ADGRE5: variants seen among roughly 807,000 people sequenced by gnomAD.
The protein encoded by ADGRE5 is adhesion G protein-coupled receptor E5.
ADGRE5 carries 72 observed loss-of-function variants against 100.3 expected under a neutral mutation model. The ratio of observed to expected loss-of-function variants is 0.72; its 90% CI spans 0.59 to 0.87. The LOEUF (loss-of-function observed/expected upper bound fraction) is 0.87, where lower values mean the gene tolerates loss of function less well. Among genes scored for constraint, ADGRE5 ranks in the 40% least tolerant of loss-of-function variants. The pLI is 0.00. For synonymous variants in ADGRE5, 439 were observed against 447.8 expected (o/e 0.98, Z 0.25); for missense variants, 959 against 1,094.7 (o/e 0.88, Z 1.75).
rs1390730311 is a variant in ADGRE5 at position 14,407,065 on chromosome 19, C to G, written c.2212C>G (p.Leu738Val). ...CTGCAACCCCGCTCCTCGCAGGGCG[C>G]TGACCATCACGGCCATCGCGCAGCT... Reference protein sequence around the residue: ...DMKKLKKARALTITAIAQLFL... With the variant: ...DMKKLKKARAVTITAIAQLFL... Residue 738 changes from leucine to valine, a missense_variant, in exon 18 of 20, where the codon CTG becomes GTG. Around this residue, in one of 6 missense-constraint regions of ADGRE5, gnomAD observed 428 missense variants for 386.2 expected, o/e 1.11. Transcript: ENST00000242786. The G allele has an allele frequency of 4.3e-6, 7 of 1,614,138 alleles. No individual in the cohort carries two copies. The highest frequency in any genetic ancestry group is 5.9e-6 in the Non-Finnish European group (7 of 1,180,054).
Position 14,396,364 on chromosome 19 carries a change from C to A in ADGRE5, c.369C>A (p.Asn123Lys). Reference protein sequence around the residue: ...TCQDVDECQQNPRLCKSYGTC... With the variant: ...TCQDVDECQQKPRLCKSYGTC... ...CAGATGTGGACGAATGTCAGCAGAA[C>A]CCAAGGCTCTGTAAAAGCTACGGCA... Residue 123 changes from asparagine (N) to lysine (K), a missense_variant, in exon 5 of 20, where the codon AAC becomes AAA. Transcript: ENST00000242786. 6.2e-7 allele frequency: 1 copy of A among 1,614,272 alleles called. No individual in the cohort carries two copies. Among genetic ancestry groups the A allele is most frequent in the East Asian group, 2.2e-5 (1 of 44,890 alleles).
Position 14,408,704 on chromosome 19 carries a change from T to C in ADGRE5, c.*583T>C, listed in dbSNP as rs912855180. 5.2e-6 allele frequency: 3 copies of C among 576,326 alleles called. No individual in the cohort carries two copies. In the African/African-American group the frequency reaches 5.6e-5, roughly 11 times the overall value. The allele number at this position is 576,326 out of a possible 1,614,324, so 35.7% of individuals were successfully genotyped here. On this transcript the variant is annotated 3_prime_UTR_variant, in exon 20 of 20. Coordinates refer to ENST00000242786, the MANE Select transcript of ADGRE5 (RefSeq NM_078481.4). Reference sequence around the variant, plus strand: ...AATTTTTCAGTGTTGACACTTAAAATTAAACACATGCATACAGAAGATGGC... The same window carrying C: ...AATTTTTCAGTGTTGACACTTAAAACTAAACACATGCATACAGAAGATGGC...
At chr19:14,399,421 G>C (rs953043468) in intron 9 of ADGRE5, among the ~76,000 whole-genome samples, 8 of 151,398 alleles carry the variant, frequency 5.3e-5, no homozygotes, top group Non-Finnish European at 8.8e-5. Flanking sequence ...AAAATTAGCC[G>C]GGCGTAGTGG....
chr19:14,386,017 C>T (rs1284557747), intron 1 of ADGRE5, among the ~76,000 whole-genome samples: 4 of 151,672 alleles, frequency 2.6e-5, no homozygotes, highest in East Asian at 2.0e-4. Flanking sequence ...GTGATCCACC[C>T]GCCTCGGCCT....
intron 3 of ADGRE5, among the ~76,000 whole-genome samples, chr19:14,389,238 A>G (rs1412009074): frequency 1.6e-4 from 1 of 6,402 alleles, no homozygotes; most frequent in Non-Finnish European, 2.8e-4. Context: ...GAAGGGGGAA[A>G]GGGAGGGGGA....
In ADGRE5 at chr19:14,408,465, T is replaced by C. The variant is rs1976381812; in HGVS notation, c.*344T>C. The C allele has an allele frequency of 3.8e-6, 2 of 527,926 alleles. No individual in the cohort carries two copies. The highest frequency in any genetic ancestry group is 6.8e-6 in the Non-Finnish European group (2 of 292,498). 32.7% of individuals were successfully genotyped at this position (527,926 alleles called of 1,614,324 possible). A position where few individuals can be genotyped will look rare whatever the true frequency, so the allele number is the denominator to read the frequency against. ...AGGGCGCTTGTCCCATCCTGGACTT[T>C]TCCTCTCATGTCTTTGCTGCAGAAC... is the stretch of plus-strand genomic sequence containing the variant. On this transcript the variant is annotated 3_prime_UTR_variant, in exon 20 of 20. Transcript: ENST00000242786.
chr19:14,404,927 T>C (rs1976164325), intron 13 of ADGRE5: 1 of 245,412 alleles, frequency 4.1e-6, no homozygotes, highest in African/African-American at 2.4e-5. Context: ...TGGCACAATC[T>C]CAGCTAGTGA....
Position 14,393,366 on chromosome 19 carries a change from G to T in ADGRE5, c.346+2287G>T, listed in dbSNP as rs542085337. On this transcript the variant is annotated intron_variant, in intron 4 of 19. Transcript: ENST00000242786. ...CTGCAAGGCTCTACCCCTGCGCAGAGGCCACAGCCTTTGCTATGGTCTTGC... is the reference window on the plus strand; with the variant it reads ...CTGCAAGGCTCTACCCCTGCGCAGATGCCACAGCCTTTGCTATGGTCTTGC... 1.6e-4 allele frequency among the ~76,000 whole-genome samples: 24 copies of T among 152,368 alleles called. No homozygotes were observed. The South Asian group carries it at 4.6e-3, about 29-fold the overall frequency.
At position 14,406,911 on chromosome 19, in the gene ADGRE5, C is replaced by T; in HGVS notation, c.2158C>T (p.Gln720Ter). 6.2e-7 allele frequency: 1 copy of T among 1,614,162 alleles called. No individual in the cohort carries two copies. The highest frequency in any genetic ancestry group is 8.5e-7 in the Non-Finnish European group (1 of 1,180,022). ...IFVTTVWKLT[Q>*]KFSEINPDMK... is the part of the protein sequence containing the mutation. Reference sequence around the variant, plus strand: ...CGTGACTACCGTCTGGAAGCTCACTCAGAAGTTTTCTGAAATCAATCCAGA... The same window carrying T: ...CGTGACTACCGTCTGGAAGCTCACTTAGAAGTTTTCTGAAATCAATCCAGA... The change falls in exon 17 of 20, where the codon CAG (glutamine) becomes TAG (stop). Residue 720 changes from glutamine (Q) to a stop codon, truncating the protein, a stop_gained. Transcript: ENST00000242786. LOFTEE classifies it high-confidence loss of function. The surrounding 1 kb of genome is among the most constrained non-coding windows in gnomAD (Gnocchi z 6.0).
In ADGRE5 at chr19:14,401,331, C is replaced by T; in HGVS notation, c.898-55C>T. On this transcript the variant is annotated intron_variant, in intron 9 of 19. Transcript: ENST00000242786. The surrounding 1 kb of genome is among the most constrained non-coding windows in gnomAD (Gnocchi z 4.1). ...GGTAGGGGGTGACATCCAGGTCCTT[C>T]AGGCAACCCCTGTGGTCTGATGCTC... 1 of 1,534,850 alleles carries T rather than the reference C, an allele frequency of 6.5e-7. No individual in the cohort carries two copies. The highest frequency in any genetic ancestry group is 8.9e-7 in the Non-Finnish European group (1 of 1,126,720).
rs377266346 is a variant in ADGRE5 at position 14,407,948 on chromosome 19, G to C, written c.2417G>C (p.Gly806Ala). 6.5e-5 allele frequency: 105 copies of C among 1,614,002 alleles called. No homozygotes were observed. Among genetic ancestry groups the C allele is most frequent in the East Asian group, 3.1e-4 (14 of 44,896 alleles). The change falls in exon 19 of 20, where the codon GGG becomes GCG. Residue 806 changes from glycine to alanine, a missense_variant. Gly to Ala is a moderately conservative substitution (Grantham distance 60). This residue lies in a region of ADGRE5 where 428 missense variants were observed against 386.2 expected (regional missense o/e 1.11). Coordinates refer to ENST00000242786, the MANE Select transcript of ADGRE5 (RefSeq NM_078481.4). ...CGGAAGTGGGCCTGCCTAGTTGCTG[G>C]GGGGAGCAAGTACTCAGAATTCACC... The part of the protein sequence containing the change: ...EYRKWACLVA[G>A]GSKYSEFTST...
At chr19:14,394,348 G>T (rs578107933) in intron 4 of ADGRE5, among the ~76,000 whole-genome samples, 1 of 151,996 alleles carries the variant, frequency 6.6e-6, no homozygotes, top group Non-Finnish European at 1.5e-5. Context: ...CTGAGGACAC[G>T]TGCACCCAGT....
rs75181453 is a variant in ADGRE5 at position 14,405,531 on chromosome 19, G to C, written c.1630-217G>C. 6.1e-3 allele frequency: 3,135 copies of C among 512,054 alleles called. 81 individuals carry two copies. Among genetic ancestry groups the C allele is most frequent in the African/African-American group, 0.054 (2,735 of 50,836 alleles). 31.7% of individuals were successfully genotyped at this position (512,054 alleles called of 1,614,324 possible). A position where few individuals can be genotyped will look rare whatever the true frequency, so the allele number is the denominator to read the frequency against. On this transcript the variant is annotated intron_variant, in intron 13 of 19. Transcript: ENST00000242786. ...AACTGCAATTAACCAGGCAGAGAAG[G>C]GGGGCGCCTGTGGTCCAGGCCAAAG...
chr19:14,381,501 C>T lies in ADGRE5; in HGVS notation c.-23C>T, dbSNP rs371403378. On this transcript the variant is annotated 5_prime_UTR_variant, in exon 1 of 20. Coordinates refer to ENST00000242786, the MANE Select transcript of ADGRE5 (RefSeq NM_078481.4). ...CTGTCCCACTCACTCTTTCCCCTGCCGCTCCTGCCGGCAGCTCCAACCATG... is the reference window on the plus strand; with the variant it reads ...CTGTCCCACTCACTCTTTCCCCTGCTGCTCCTGCCGGCAGCTCCAACCATG... The T allele has an allele frequency of 1.1e-4, 184 of 1,610,294 alleles. No individual in the cohort carries two copies. The highest frequency in any genetic ancestry group is 6.2e-4 in the African/African-American group (46 of 74,388).
chr19:14,400,749 G>A (rs542436506), intron 9 of ADGRE5, among the ~76,000 whole-genome samples: 12 of 152,068 alleles, frequency 7.9e-5, no homozygotes, highest in Non-Finnish European at 1.6e-4. Context: ...CCAAGATCGC[G>A]CCACTGCACT....
chr19:14,391,865 AG>A (rs1975611881), intron 4 of ADGRE5, among the ~76,000 whole-genome samples: 4 of 152,140 alleles, frequency 2.6e-5, no homozygotes, highest in African/African-American at 7.2e-5. Flanking sequence ...TGGGAGGCCG[AG>A]GTGGGTGGAT....
chr19:14,393,659 C>T lies in ADGRE5; in HGVS notation c.346+2580C>T, dbSNP rs1043571858. ...CCGGCAGCCCAGATCCCAGCCCCAC[C>T]CCTCCTGCCCTGCATTCAGGCAGAG... On this transcript the variant is annotated intron_variant, in intron 4 of 19. Transcript: ENST00000242786. 2.6e-5 allele frequency among the ~76,000 whole-genome samples: 4 copies of T among 152,168 alleles called. No homozygotes were observed. The South Asian group carries it at 8.3e-4, about 31-fold the overall frequency.
In ADGRE5 at chr19:14,405,920, T is replaced by G. The variant is rs775414000; in HGVS notation, c.1802T>G (p.Ile601Ser). The G allele has an allele frequency of 2.5e-6, 4 of 1,608,978 alleles. No homozygotes were observed. The highest frequency in any genetic ancestry group is 3.4e-6 in the Non-Finnish European group (4 of 1,179,810). The change falls in exon 14 of 20, where the codon ATC becomes AGC. Residue 601 changes from isoleucine to serine, a missense_variant. Around this residue, in one of 6 missense-constraint regions of ADGRE5, gnomAD observed 428 missense variants for 386.2 expected, o/e 1.11. Coordinates refer to ENST00000242786, the MANE Select transcript of ADGRE5 (RefSeq NM_078481.4). ...GGCTCCACCATCTTCCTGGCCGGCATCGAGAACGAAGGCGGCCAGGTGAGG... is the reference window on the plus strand; with the variant it reads ...GGCTCCACCATCTTCCTGGCCGGCAGCGAGAACGAAGGCGGCCAGGTGAGG... ...FVGSTIFLAG[I>S]ENEGGQVGLR...
chr19:14,400,431 G>T (rs1165432716), intron 9 of ADGRE5, among the ~76,000 whole-genome samples: 1 of 152,098 alleles, frequency 6.6e-6, no homozygotes, highest in African/African-American at 2.4e-5. Context: ...TGGAAGTACA[G>T]GCGTGCACCA....
Sources: allele counts gnomAD v4.1 joint callset (sites outside exome capture counted in the v4.1 genomes callset), GRCh38; gene constraint gnomAD v4.1.1; regional missense constraint gnomAD v4.1.1; non-coding constraint Gnocchi (gnomAD v3.1); transcripts MANE v1.5; gene names NCBI Gene and HGNC (gene_info 2026-07-23, HGNC 2026-07-21).